TSNAX: variants seen among roughly 807,000 people sequenced by gnomAD.
The protein encoded by TSNAX is translin-associated protein X.
A neutral mutation model predicts 33.0 loss-of-function variants in TSNAX; 12 were observed. The observed-to-expected ratio is 0.36, with a 90% CI of 0.23 to 0.59. The LOEUF is 0.59. Among genes scored for constraint, TSNAX ranks in the 20% least tolerant of loss-of-function variants. The pLI, the probability that TSNAX is intolerant of heterozygous loss-of-function variation, is 0.74. For missense variants in TSNAX, 267 were observed against 341.3 expected (o/e 0.78, Z 1.72); for synonymous variants, 110 against 117.2 (o/e 0.94, Z 0.40).
chr1:231,529,158 G>A (rs1658478573), intron 1 of TSNAX, 97 bp from the exon 2 acceptor site: 5 of 1,240,402 alleles, frequency 4.0e-6, no homozygotes, highest in Non-Finnish European at 3.4e-6. Flanking sequence ...GGCCCTGTGG[G>A]TATCTGGTTT....
At position 231,561,294 on chromosome 1, in the gene TSNAX, T is replaced by C. The variant is rs201657630; in HGVS notation, c.495+39T>C. 2.8e-6 allele frequency: 4 copies of C among 1,403,982 alleles called. No individual in the cohort carries two copies. In the South Asian group the frequency reaches 3.8e-5, roughly 13 times the overall value. The allele number at this position is 1,403,982 out of a possible 1,614,324, so 87.0% of individuals were successfully genotyped here. ...ATTTATTTCACATTTGTTATATAATTTATGTAACAGTATGACGATTCTAGT... is the reference window on the plus strand; with the variant it reads ...ATTTATTTCACATTTGTTATATAATCTATGTAACAGTATGACGATTCTAGT... On this transcript the variant is annotated intron_variant, in intron 5 of 5. Coordinates refer to ENST00000366639, the MANE Select transcript of TSNAX (RefSeq NM_005999.3).
intron 4 of TSNAX, among the ~76,000 whole-genome samples, chr1:231,553,651 A>G (rs1167774694): frequency 6.7e-6 from 1 of 148,360 alleles, no homozygotes; most frequent in East Asian, 2.0e-4. Flanking sequence ...CTTTCTCCAC[A>G]TTATAGCATG....
intron 4 of TSNAX, among the ~76,000 whole-genome samples, chr1:231,555,872 G>A (rs1029469117): frequency 1.3e-5 from 2 of 152,126 alleles, no homozygotes; most frequent in Non-Finnish European, 2.9e-5. Flanking sequence ...GAGTCCTTAA[G>A]GAGTTTTTGG....
chr1:231,531,347 A>C (rs1214118331), intron 2 of TSNAX, among the ~76,000 whole-genome samples: 2 of 152,220 alleles, frequency 1.3e-5, no homozygotes, highest in Admixed American at 1.3e-4. Flanking sequence ...TTGGTGACCA[A>C]CATGAAATAT....
intron 2 of TSNAX, among the ~76,000 whole-genome samples, chr1:231,531,155 G>T (rs941077019): frequency 3.3e-5 from 5 of 151,830 alleles, no homozygotes; most frequent in African/African-American, 1.2e-4. Context: ...ACAGGGTTTC[G>T]CCATGTTGCT....
intron 4 of TSNAX, among the ~76,000 whole-genome samples, chr1:231,552,196 A>G (rs1190693978): frequency 6.6e-6 from 1 of 151,786 alleles, no homozygotes; most frequent in East Asian, 1.9e-4. Flanking sequence ...GAGGCAGGAG[A>G]GAGAATCACT....
rs543608729 is a variant in TSNAX, at chr1:231,544,751, G to A, written c.367+2140G>A. On this transcript the variant is annotated intron_variant, in intron 4 of 5. Transcript: ENST00000366639. ...AAAGCAACCTAGAAAGCTGTACATT[G>A]TCTTACAGAACAGAGAAATGGAGAG... Among the ~76,000 whole-genome samples the A allele has an allele frequency of 4.6e-5, 7 of 152,326 alleles. No individual in the cohort carries two copies. In the South Asian group the frequency reaches 1.0e-3, roughly 23 times the overall value.
chr1:231,548,938 C>T (rs755008033), intron 4 of TSNAX, among the ~76,000 whole-genome samples: 2 of 152,178 alleles, frequency 1.3e-5, no homozygotes, highest in Non-Finnish European at 2.9e-5. Flanking sequence ...CGAATAATAT[C>T]CCTGAATAAT....
intron 4 of TSNAX, among the ~76,000 whole-genome samples, chr1:231,558,157 C>G (rs1005256503): frequency 2.6e-5 from 4 of 152,116 alleles, no homozygotes; most frequent in South Asian, 2.1e-4. Flanking sequence ...CTGATGGACT[C>G]TCTGGGAAGC....
intron 4 of TSNAX, among the ~76,000 whole-genome samples, chr1:231,547,933 C>T (rs971084506): frequency 1.3e-4 from 20 of 150,358 alleles, no homozygotes; most frequent in Non-Finnish European, 4.4e-5. Flanking sequence ...CTCCGCCTCC[C>T]AGGTTCATGC....
At position 231,528,686 on chromosome 1, in the gene TSNAX, G is replaced by T. The variant is rs1300905721; in HGVS notation, c.-125G>T. 3 of 1,112,328 alleles carry T rather than the reference G, an allele frequency of 2.7e-6. No homozygotes were observed. Among genetic ancestry groups the T allele is most frequent in the African/African-American group, 3.1e-5 (2 of 64,744 alleles). 68.9% of individuals were successfully genotyped at this position (1,112,328 alleles called of 1,614,324 possible). A position where few individuals can be genotyped will look rare whatever the true frequency, so the allele number is the denominator to read the frequency against. ...GGAGACTTCCGGCCACTGCGTTGTA[G>T]TCGGCCCGGCTGCAAAGCGTTTTTC... On this transcript the variant is annotated 5_prime_UTR_variant, in exon 1 of 6. Transcript: ENST00000366639.
chr1:231,544,538 A>G (rs1659780317), intron 4 of TSNAX, among the ~76,000 whole-genome samples: 1 of 152,232 alleles, frequency 6.6e-6, no homozygotes, highest in African/African-American at 2.4e-5. Flanking sequence ...TCAATTCCTT[A>G]TTAGTGCATG....
chr1:231,532,537 G>A (rs1235992719), intron 2 of TSNAX, among the ~76,000 whole-genome samples: 2 of 151,656 alleles, frequency 1.3e-5, no homozygotes, highest in East Asian at 1.9e-4. Flanking sequence ...AGGTGGAAAA[G>A]CAGGAAGACA....
intron 4 of TSNAX, 58 bp from the exon 5 acceptor site, chr1:231,561,070 A>G: frequency 6.5e-7 from 1 of 1,548,496 alleles, no homozygotes; most frequent in Non-Finnish European, 8.7e-7. Context: ...TTTTTTTATT[A>G]TGACATTCTT....
At chr1:231,562,550 T>C (rs1359120609) in intron 5 of TSNAX, among the ~76,000 whole-genome samples, 1 of 152,116 alleles carries the variant, frequency 6.6e-6, no homozygotes, top group African/African-American at 2.4e-5. Context: ...TCACGTGATA[T>C]TAGGGAAGTT....
intron 4 of TSNAX, among the ~76,000 whole-genome samples, chr1:231,547,425 C>T (rs1213503101): frequency 8.1e-6 from 1 of 123,384 alleles, no homozygotes; most frequent in Non-Finnish European, 1.6e-5. Context: ...GAGTCTCACT[C>T]TGTCGCCCAG....
intron 2 of TSNAX, 84 bp downstream of exon 2, chr1:231,529,443 G>A: frequency 7.3e-7 from 1 of 1,372,204 alleles, no homozygotes; most frequent in Non-Finnish European, 1.0e-6. Flanking sequence ...CAGTCCCTAA[G>A]AATTTAATGT....
Position 231,560,418 on chromosome 1 carries a change from C to CT in TSNAX, c.368-697dup, listed in dbSNP as rs1211906310. Among the ~76,000 whole-genome samples the CT allele has an allele frequency of 9.8e-4, 72 of 73,110 alleles. 2 individuals are homozygous for CT. The highest frequency in any genetic ancestry group is 6.9e-3 in the Middle Eastern group (1 of 144). The allele number at this position is 73,110 out of a possible 152,430, so 48.0% of individuals were successfully genotyped here. ...GGCTTTTCTTTTCTCCCCCCCCCCC[C>CT]TTTTTTTTTTTTTGAGACGAAGTCT... On this transcript the variant is annotated intron_variant, in intron 4 of 5. Coordinates refer to ENST00000366639, the MANE Select transcript of TSNAX (RefSeq NM_005999.3).
intron 2 of TSNAX, among the ~76,000 whole-genome samples, chr1:231,529,644 T>C (rs1287782207): frequency 6.6e-6 from 1 of 152,254 alleles, no homozygotes; most frequent in African/African-American, 2.4e-5. Context: ...CCTGATAATA[T>C]TTACTCATCT....
Sources: allele counts gnomAD v4.1 joint callset (sites outside exome capture counted in the v4.1 genomes callset), GRCh38; gene constraint gnomAD v4.1.1; transcripts MANE v1.5; gene names NCBI Gene and HGNC (gene_info 2026-07-23, HGNC 2026-07-21).